Variants in TCIRG1 observed in about 807,000 individuals in gnomAD.
TCIRG1 encodes the protein V-type proton ATPase 116 kDa subunit a 3.
TCIRG1 carries 86 observed loss-of-function variants against 95.5 expected under a neutral mutation model. The observed-to-expected ratio is 0.90, with a 90% confidence interval of 0.76 to 1.08. TCIRG1 has a LOEUF of 1.08. Ranked by LOEUF, TCIRG1 falls within the 50% of genes least tolerant of loss-of-function variation. TCIRG1 has a pLI of 0.00. For missense variants in TCIRG1, 1,069 were observed against 1,140.2 expected, an observed-to-expected ratio of 0.94 and a Z score of 0.90; for synonymous variants, 499 against 501.3, an observed-to-expected ratio of 1.00 and a Z score of 0.06.
chr11:68,044,326 G>A lies in TCIRG1; in HGVS notation c.1002G>A (p.Glu334=). ...CSVRDLPALQ[E]ALRDSSMEEG... ...TGCGAGACCTGCCCGCCCTGCAGGA[G>A]GCCCTGCGGGACAGCTCGGTGAGCA... is the stretch of plus-strand genomic sequence containing the variant. The change falls in exon 9 of 20, where the codon GAG becomes GAA. Residue 334 remains glutamate (E), a synonymous_variant. Coordinates refer to ENST00000265686, the MANE Select transcript of TCIRG1 (RefSeq NM_006019.4). The A allele has an allele frequency of 6.3e-7, 1 of 1,592,334 alleles. No homozygotes were observed. Among genetic ancestry groups the A allele is most frequent in the Admixed American group, 1.7e-5 (1 of 57,506 alleles).
At chr11:68,044,393 G>T in intron 9 of TCIRG1, 49 bp downstream of exon 9, 1 of 1,472,100 alleles carries the variant, frequency 6.8e-7, no homozygotes, top group South Asian at 1.2e-5. Flanking sequence ...CTCCTACCAG[G>T]CCGGGGCGTT....
At chr11:68,043,071 A>G in intron 5 of TCIRG1, 40 bp downstream of exon 5, 2 of 1,549,050 alleles carry the variant, frequency 1.3e-6, no homozygotes, top group Non-Finnish European at 1.7e-6. Context: ...TGGCCAGCCC[A>G]GAACCCCTGG....
chr11:68,044,396 G>C, intron 9 of TCIRG1, 52 bp downstream of exon 9: 1 of 1,455,524 alleles, frequency 6.9e-7, no homozygotes. Flanking sequence ...CTACCAGGCC[G>C]GGGCGTTTCT....
At chr11:68,045,459 C>T (rs1354521089) in intron 10 of TCIRG1, among the ~76,000 whole-genome samples, 2 of 152,188 alleles carry the variant, frequency 1.3e-5, no homozygotes, top group South Asian at 2.1e-4. Flanking sequence ...GAAATAATAG[C>T]GCAAACCTCA....
downstream of TCIRG1, chr11:68,052,980 G>A (rs1290660191): frequency 6.6e-6 from 1 of 152,538 alleles, no homozygotes; most frequent in Non-Finnish European, 1.5e-5. Flanking sequence ...TATCCCGCAG[G>A]ACATTTCATA....
At chr11:68,043,731 A>G (rs1333656223) in intron 7 of TCIRG1, 78 bp downstream of exon 7, 27 of 1,534,054 alleles carry the variant, frequency 1.8e-5, no homozygotes, top group Non-Finnish European at 1.9e-5. Flanking sequence ...CCCTATCGTG[A>G]CTCCTCCCCA....
rs1389957718 is a variant in TCIRG1, at chr11:68,050,495, G to A, written c.2245G>A (p.Glu749Lys). 6.8e-6 allele frequency: 11 copies of A among 1,613,172 alleles called. No homozygotes were observed. Among genetic ancestry groups the A allele is most frequent in the Middle Eastern group, 1.8e-4 (1 of 5,626 alleles). ...GTCTCCTTTGCTTGCAGAGCTGTCC[G>A]AGGTTCTGTGGGCCATGGTGATGCG... is the stretch of plus-strand genomic sequence containing the variant. ...ALSLAHAQLS[E>K]VLWAMVMRIG... is the part of the protein sequence containing the mutation. Residue 749 changes from glutamate to lysine, a missense_variant, in exon 19 of 20, where the codon GAG becomes AAG. By Grantham distance (56) the Glu-to-Lys change is moderately conservative. Coordinates refer to ENST00000265686, the MANE Select transcript of TCIRG1 (RefSeq NM_006019.4).
Position 68,042,695 on chromosome 11 carries a change from G to T in TCIRG1, c.249G>T (p.Lys83Asn). ...CTGGGCTGGTCCTGCCCCCGCCAAA[G>T]GGGAGGCTGCCGGCACCCCCACCCC... Reference protein sequence around the residue: ...RRAGLVLPPPKGRLPAPPPRD... With the variant: ...RRAGLVLPPPNGRLPAPPPRD... Residue 83 changes from lysine to asparagine, a missense_variant, in exon 4 of 20, where the codon AAG becomes AAT. Coordinates refer to ENST00000265686, the MANE Select transcript of TCIRG1 (RefSeq NM_006019.4). 3.9e-6 allele frequency: 6 copies of T among 1,546,182 alleles called. No homozygotes were observed. Among genetic ancestry groups the T allele is most frequent in the Non-Finnish European group, 5.2e-6 (6 of 1,145,812 alleles).
In TCIRG1 at chr11:68,043,845, CAGG is replaced by C. The variant is rs1554995833; in HGVS notation, c.752_754del (p.Glu251del). ...CTGCCACGTCTTCCCGTTTCTGCAGCAGGAGGAGGCCCGCCTCGGGGCCCTGCA... is the reference window on the plus strand; with the variant it reads ...CTGCCACGTCTTCCCGTTTCTGCAGCAGGAGGCCCGCCTCGGGGCCCTGCA... On this transcript the variant is annotated inframe_deletion, in exon 8 of 20. Coordinates refer to ENST00000265686, the MANE Select transcript of TCIRG1 (RefSeq NM_006019.4). The C allele has an allele frequency of 5.1e-6, 8 of 1,560,254 alleles. No homozygotes were observed. Among genetic ancestry groups the C allele is most frequent in the Admixed American group, 1.9e-5 (1 of 52,260 alleles).
Position 68,042,771 on chromosome 11 carries a change from C to T in TCIRG1, c.325C>T (p.Arg109Trp), listed in dbSNP as rs201329219. ...GACGGAGCGCCTGGCCCAGGAGCTG[C>T]GGGATGTGCGGGGCAACCAGCAGGC... is the stretch of plus-strand genomic sequence containing the variant. ...EETERLAQELRDVRGNQQALR... is the reference protein window; with the variant it reads ...EETERLAQELWDVRGNQQALR... Residue 109 changes from arginine to tryptophan, a missense_variant, in exon 4 of 20, where the codon CGG becomes TGG. Physicochemically the swap from Arg to Trp is moderately radical, Grantham distance 101. Coordinates refer to ENST00000265686, the MANE Select transcript of TCIRG1 (RefSeq NM_006019.4). 4.1e-5 allele frequency: 63 copies of T among 1,547,780 alleles called. No homozygotes were observed. In the South Asian group the frequency reaches 5.8e-4, roughly 14 times the overall value.
chr11:68,050,744 G>A lies in TCIRG1; in HGVS notation c.2418G>A (p.Val806=), dbSNP rs1855766004. 3.7e-6 allele frequency: 6 copies of A among 1,613,954 alleles called. No homozygotes were observed. Among genetic ancestry groups the A allele is most frequent in the Non-Finnish European group, 5.1e-6 (6 of 1,180,020 alleles). ...CCCCTCTGCTTCTCACCCCCAGGGTGGAATTCCAGAACAAGTTCTACTCAG... is the reference window on the plus strand; with the variant it reads ...CCCCTCTGCTTCTCACCCCCAGGGTAGAATTCCAGAACAAGTTCTACTCAG... ...AFLHALRLHW[V]EFQNKFYSGT... is the part of the protein sequence containing the mutation. The change falls in exon 20 of 20, where the codon GTG becomes GTA. Residue 806 remains valine, a synonymous_variant. Coordinates refer to ENST00000265686, the MANE Select transcript of TCIRG1 (RefSeq NM_006019.4).
In TCIRG1 at chr11:68,045,008, G is replaced by GC. The variant is rs1158449736; in HGVS notation, c.1077dup (p.Thr360HisfsTer130). 2 of 1,608,652 alleles carry GC rather than the reference G, an allele frequency of 1.2e-6. No individual in the cohort carries two copies. On this transcript the variant is annotated frameshift_variant, in exon 10 of 20. Transcript: ENST00000265686. LOFTEE classifies it high-confidence loss of function. ...CTCACCGCATCCCCTGCCGGGACAT[G>GC]CCCCCCACACTCATCCGCACCAACC...
At chr11:68,045,183 T>C in intron 10 of TCIRG1, 81 bp downstream of exon 10, 1 of 1,560,980 alleles carries the variant, frequency 6.4e-7, no homozygotes, top group Non-Finnish European at 8.7e-7. Flanking sequence ...GGGGGAGGTA[T>C]CTCCATCCTG....
At chr11:68,053,698 C>A, downstream of TCIRG1, 2 of 332,892 alleles carry the variant, frequency 6.0e-6, no homozygotes, top group Non-Finnish European at 1.1e-5. Flanking sequence ...GAAACCTTAG[C>A]CCCCAAATAT....
rs751936992 is a variant in TCIRG1 at position 68,043,936 on chromosome 11, G to C, written c.807+29G>C. 9 of 1,507,626 alleles carry C rather than the reference G, an allele frequency of 6.0e-6. No homozygotes were observed. In the South Asian group the frequency reaches 1.1e-4, roughly 18 times the overall value. The allele number at this position is 1,507,626 out of a possible 1,614,324, so 93.4% of individuals were successfully genotyped here. A position where few individuals can be genotyped will look rare whatever the true frequency, so the allele number is the denominator to read the frequency against. The stretch of plus-strand genomic sequence containing the variant: ...GGTGCCCCCGGCCTTCCGGAGGCGG[G>C]TGTAGGAGGTGGGTGCCCCCGGCCT... On this transcript the variant is annotated intron_variant, in intron 8 of 19. Coordinates refer to ENST00000265686, the MANE Select transcript of TCIRG1 (RefSeq NM_006019.4).
intron 8 of TCIRG1, 22 bp from the exon 9 acceptor site, chr11:68,044,110 C>G: frequency 6.5e-7 from 1 of 1,543,414 alleles, no homozygotes. Context: ...CCAGCCCCCG[C>G]TGACTGCCCA....
chr11:68,049,975 C>T lies in TCIRG1; in HGVS notation c.2027C>T (p.Ala676Val). 6.2e-7 allele frequency: 1 copy of T among 1,611,608 alleles called. No individual in the cohort carries two copies. Among genetic ancestry groups the T allele is most frequent in the Non-Finnish European group, 8.5e-7 (1 of 1,179,548 alleles). ...RPADRQEENK[A>V]GLLDLPDASV... ...CTCATGCCCCAGGAGGAAAACAAGGCCGGGTTGCTGGACCTGCCTGACGCA... is the reference window on the plus strand; with the variant it reads ...CTCATGCCCCAGGAGGAAAACAAGGTCGGGTTGCTGGACCTGCCTGACGCA... The change falls in exon 17 of 20, where the codon GCC becomes GTC. Residue 676 changes from alanine to valine, a missense_variant. Coordinates refer to ENST00000265686, the MANE Select transcript of TCIRG1 (RefSeq NM_006019.4).
chr11:68,047,866 C>A lies in TCIRG1; in HGVS notation c.1464-16C>A, dbSNP rs1294515622. On this transcript the variant is annotated splice_polypyrimidine_tract_variant and intron_variant, in intron 12 of 19. Transcript: ENST00000265686. Reference sequence around the variant, plus strand: ...AGCACCCGCAGCCCTGACCGCCCTCCCCTGCGTTGCCGCAGTGATGCATTC... The same window carrying A: ...AGCACCCGCAGCCCTGACCGCCCTCACCTGCGTTGCCGCAGTGATGCATTC... 4 of 1,613,224 alleles carry A rather than the reference C, an allele frequency of 2.5e-6. No homozygotes were observed. In the African/African-American group the frequency reaches 4.0e-5, roughly 16 times the overall value.
chr11:68,049,976 C>G lies in TCIRG1; in HGVS notation c.2028C>G (p.Ala676=). ...RPADRQEENK[A]GLLDLPDASV... is the part of the protein sequence containing the mutation. ...TCATGCCCCAGGAGGAAAACAAGGC[C>G]GGGTTGCTGGACCTGCCTGACGCAT... Residue 676 remains alanine (A), a synonymous_variant, in exon 17 of 20, where the codon GCC becomes GCG. Coordinates refer to ENST00000265686, the MANE Select transcript of TCIRG1 (RefSeq NM_006019.4). The G allele has an allele frequency of 1.2e-6, 2 of 1,611,734 alleles. No homozygotes were observed. The highest frequency in any genetic ancestry group is 2.2e-5 in the East Asian group (1 of 44,852).
Sources: allele counts gnomAD v4.1 joint callset (sites outside exome capture counted in the v4.1 genomes callset), GRCh38; gene constraint gnomAD v4.1.1; transcripts MANE v1.5; gene names NCBI Gene and HGNC (gene_info 2026-07-23, HGNC 2026-07-21).